LHFPL2: variants seen among roughly 807,000 people sequenced by gnomAD.
The protein encoded by LHFPL2 is LHFPL tetraspan subfamily member 2 protein.
Under a neutral mutation model 17.5 loss-of-function variants are expected in LHFPL2, and 7 were observed. The observed-to-expected ratio is 0.40, with a 90% CI of 0.23 to 0.75. The LOEUF is 0.75. LHFPL2 is among the 30% of genes least tolerant of loss of function. The pLI is 0.37. For synonymous variants in LHFPL2, 134 were observed against 116.2 expected (o/e 1.15, Z -0.99); for missense variants, 241 against 294.8 (o/e 0.82, Z 1.34).
intron 2 of LHFPL2, among the ~76,000 whole-genome samples, chr5:78,571,568 C>CTTGG (rs975435409): frequency 6.6e-6 from 1 of 152,144 alleles, no homozygotes; most frequent in Admixed American, 6.5e-5. Flanking sequence ...CTTGGGGTGA[C>CTTGG]ATCCAAAAAT....
At chr5:78,597,712 A>G (rs566682459) in intron 2 of LHFPL2, among the ~76,000 whole-genome samples, 5 of 152,346 alleles carry the variant, frequency 3.3e-5, no homozygotes, top group Admixed American at 6.5e-5. Context: ...GTAGTATTCA[A>G]TGAACACTTA....
At chr5:78,589,583 T>C (rs1482303414) in intron 2 of LHFPL2, among the ~76,000 whole-genome samples, 1 of 152,126 alleles carries the variant, frequency 6.6e-6, no homozygotes, top group East Asian at 1.9e-4. Context: ...TCAAATGGTG[T>C]CTACTCTTGC....
intron 2 of LHFPL2, among the ~76,000 whole-genome samples, chr5:78,580,270 A>G (rs1036282978): frequency 1.7e-4 from 26 of 152,184 alleles, no homozygotes; most frequent in African/African-American, 5.6e-4. Context: ...AGTAGGTTGC[A>G]AAAATTTTCT....
intron 4 of LHFPL2, among the ~76,000 whole-genome samples, chr5:78,499,228 T>G (rs1274985452): frequency 6.6e-6 from 1 of 152,240 alleles, no homozygotes; most frequent in Non-Finnish European, 1.5e-5. Context: ...AATGGATACT[T>G]TAGTTGGAAG....
chr5:78,634,247 C>T (rs1745351466), intron 1 of LHFPL2, among the ~76,000 whole-genome samples: 1 of 152,204 alleles, frequency 6.6e-6, no homozygotes, highest in South Asian at 2.1e-4. Context: ...AAATAGCACT[C>T]AGGTCATGAA....
intron 3 of LHFPL2, among the ~76,000 whole-genome samples, chr5:78,520,806 AACT>A (rs1755432975): frequency 1.4e-5 from 2 of 138,962 alleles, no homozygotes; most frequent in African/African-American, 6.9e-5. Context: ...TCTTTCGGCT[AACT>A]GCTAACTGCT....
intron 2 of LHFPL2, among the ~76,000 whole-genome samples, chr5:78,607,334 A>G (rs1228923424): frequency 2.0e-5 from 3 of 151,830 alleles, no homozygotes; most frequent in Non-Finnish European, 4.4e-5. Context: ...GCTGGTCTTG[A>G]ACTCCTGACC....
intron 2 of LHFPL2, among the ~76,000 whole-genome samples, chr5:78,577,217 C>T (rs934716447): frequency 1.3e-5 from 2 of 152,186 alleles, no homozygotes; most frequent in Non-Finnish European, 2.9e-5. Context: ...GATAAGGTAA[C>T]AAAGGACTGA....
chr5:78,611,599 G>A (rs1468706235), intron 2 of LHFPL2, among the ~76,000 whole-genome samples: 1 of 152,172 alleles, frequency 6.6e-6, no homozygotes, highest in Non-Finnish European at 1.5e-5. Context: ...GGAGCCCAGA[G>A]GCAATTACTA....
chr5:78,646,522 T>C, intron 1 of LHFPL2, among the ~76,000 whole-genome samples: 1 of 152,180 alleles, frequency 6.6e-6, no homozygotes, highest in African/African-American at 2.4e-5. Context: ...AACAGAGAAA[T>C]TAAATAACAT....
At chr5:78,545,746 T>G (rs948032770) in intron 3 of LHFPL2, among the ~76,000 whole-genome samples, 3 of 152,234 alleles carry the variant, frequency 2.0e-5, no homozygotes, top group Non-Finnish European at 4.4e-5. Context: ...AGACCTACTT[T>G]GTTCCAACAG....
Position 78,613,219 on chromosome 5 carries a change from G to A in LHFPL2, c.-245+19045C>T, listed in dbSNP as rs79695366. 1.9e-3 allele frequency among the ~76,000 whole-genome samples: 286 copies of A among 152,302 alleles called. 1 individual carries two copies. Among genetic ancestry groups the A allele is most frequent in the African/African-American group, 6.8e-3 (283 of 41,566 alleles). On this transcript the variant is annotated intron_variant, in intron 2 of 4. Transcript: ENST00000380345. ...CTTGCTTCTCTCAAGACATAGGTAAGTTTCTTGGATGAGAAACAAATGCAG... is the reference window on the plus strand; with the variant it reads ...CTTGCTTCTCTCAAGACATAGGTAAATTTCTTGGATGAGAAACAAATGCAG...
chr5:78,608,845 T>C (rs886614045), intron 2 of LHFPL2, among the ~76,000 whole-genome samples: 6 of 149,312 alleles, frequency 4.0e-5, no homozygotes, highest in African/African-American at 1.5e-4. Flanking sequence ...AGCAGGAGAA[T>C]AGCATGAACC....
chr5:78,605,512 T>G (rs1425417206), intron 2 of LHFPL2, among the ~76,000 whole-genome samples: 1 of 152,228 alleles, frequency 6.6e-6, no homozygotes, highest in Non-Finnish European at 1.5e-5. Context: ...GGGTCTTTTA[T>G]GTCATTATTA....
At chr5:78,543,999 A>T (rs1366420627) in intron 3 of LHFPL2, among the ~76,000 whole-genome samples, 1 of 152,130 alleles carries the variant, frequency 6.6e-6, no homozygotes, top group African/African-American at 2.4e-5. Context: ...CCCAGGTGAG[A>T]GGGGCAGGCT....
At chr5:78,507,941 T>TAC (rs10562386) in intron 4 of LHFPL2, among the ~76,000 whole-genome samples, 2,292 of 148,542 alleles carry the variant, frequency 0.015, 21 homozygotes, top group East Asian at 0.038. Context: ...TACACATGCA[T>TAC]ACACACACAC....
rs145409956 is a variant in LHFPL2 at position 78,634,959 on chromosome 5, T to G, written c.-349-2591A>C. On this transcript the variant is annotated intron_variant, in intron 1 of 4. Coordinates refer to ENST00000380345, the MANE Select transcript of LHFPL2 (RefSeq NM_005779.3). ...TTATGAATCTTAGAATGTGGGGCACTAAGCCCAATCTAGGGACACCAGGGG... is the reference window on the plus strand; with the variant it reads ...TTATGAATCTTAGAATGTGGGGCACGAAGCCCAATCTAGGGACACCAGGGG... 5.3e-3 allele frequency among the ~76,000 whole-genome samples: 802 copies of G among 152,330 alleles called. 2 individuals carry two copies. Among genetic ancestry groups the G allele is most frequent in the African/African-American group, 0.018 (757 of 41,578 alleles).
intron 3 of LHFPL2, among the ~76,000 whole-genome samples, chr5:78,546,326 T>C (rs1473962329): frequency 1.3e-5 from 2 of 152,206 alleles, no homozygotes; most frequent in Admixed American, 6.5e-5. Context: ...AAAGTAGCCG[T>C]TCTGAGGCAC....
intron 2 of LHFPL2, among the ~76,000 whole-genome samples, chr5:78,580,486 G>C (rs960902676): frequency 2.0e-5 from 3 of 149,270 alleles, no homozygotes; most frequent in African/African-American, 7.3e-5. Flanking sequence ...TAGGTCTAAC[G>C]TTTAAGTCTT....
Sources: allele counts gnomAD v4.1 joint callset (sites outside exome capture counted in the v4.1 genomes callset), GRCh38; gene constraint gnomAD v4.1.1; transcripts MANE v1.5; gene names NCBI Gene and HGNC (gene_info 2026-07-23, HGNC 2026-07-21).